EPM2A: variants seen among roughly 807,000 people sequenced by gnomAD.
EPM2A encodes the protein EPM2A glucan phosphatase, laforin.
A neutral mutation model predicts 26.5 loss-of-function variants in EPM2A; 21 were observed. That is an observed-to-expected ratio of 0.79 (90% CI 0.56 to 1.14). The LOEUF (loss-of-function observed/expected upper bound fraction) is 1.14, where lower values mean the gene tolerates loss of function less well. Among genes scored for constraint, EPM2A ranks in the 50% most tolerant of loss-of-function variants. The pLI is 0.00. For missense variants in EPM2A, 458 were observed against 440.8 expected, an observed-to-expected ratio of 1.04 and a Z score of -0.35; for synonymous variants, 217 against 177.6, an observed-to-expected ratio of 1.22 and a Z score of -1.76.
intron 4 of EPM2A, among the ~76,000 whole-genome samples, chr6:145,423,672 C>T (rs931493224): frequency 3.9e-5 from 6 of 152,170 alleles, no homozygotes; most frequent in Non-Finnish European, 5.9e-5. Context: ...TGCCCACTCC[C>T]GGTGACCTTG....
At chr6:145,539,924 C>T (rs373099823) in intron 2 of EPM2A, among the ~76,000 whole-genome samples, 81 of 152,306 alleles carry the variant, frequency 5.3e-4, no homozygotes, top group African/African-American at 1.9e-3. Context: ...TATCCACCCA[C>T]CTTAAACATC....
intron 2 of EPM2A, among the ~76,000 whole-genome samples, chr6:145,600,408 T>C (rs1781401785): frequency 6.6e-6 from 1 of 152,186 alleles, no homozygotes. Flanking sequence ...AGTCTGTCCT[T>C]CCACCCCCTC....
At chr6:145,673,419 C>T (rs1157885675) in intron 2 of EPM2A, among the ~76,000 whole-genome samples, 1 of 152,152 alleles carries the variant, frequency 6.6e-6, no homozygotes, top group Non-Finnish European at 1.5e-5. Context: ...CTCACTGGGA[C>T]TGGTTGGACA....
downstream of EPM2A, among the ~76,000 whole-genome samples, chr6:145,625,035 C>A (rs1020620751): frequency 2.0e-5 from 3 of 152,114 alleles, no homozygotes; most frequent in Admixed American, 2.0e-4. Context: ...TTGTTAAACA[C>A]CAGTGACAAG....
intron 4 of EPM2A, among the ~76,000 whole-genome samples, chr6:145,421,388 A>C (rs759823500): frequency 1.3e-5 from 2 of 152,094 alleles, no homozygotes; most frequent in Non-Finnish European, 2.9e-5. Context: ...TAATGAAGGG[A>C]GTTTCCTACC....
rs1393158755 is a variant in EPM2A, at chr6:145,650,109, G to C, written c.477-14623C>G. ...GAAAGGATAAAAGATGAGGATCACA[G>C]ATAGAAGAGCTGCTGATGGGAAGGA... On this transcript the variant is annotated intron_variant, in intron 2 of 3. Coordinates refer to ENST00000367519, the MANE Select transcript of EPM2A (RefSeq NM_005670.4). Among the ~76,000 whole-genome samples the C allele has an allele frequency of 1.8e-4, 28 of 151,864 alleles. No homozygotes were observed. In the Admixed American group the frequency reaches 1.9e-3, roughly 10 times the overall value.
At chr6:145,435,600 T>C (rs1223729079) in intron 4 of EPM2A, among the ~76,000 whole-genome samples, 1 of 151,950 alleles carries the variant, frequency 6.6e-6, no homozygotes, top group Admixed American at 6.6e-5. Context: ...TTTTTAATTA[T>C]ACTTTAAGTT....
chr6:145,674,202 G>A (rs532914814), intron 2 of EPM2A, among the ~76,000 whole-genome samples: 103 of 152,276 alleles, frequency 6.8e-4, no homozygotes, highest in South Asian at 1.5e-3. Context: ...GAAGCTGAGG[G>A]ACCTAACTGT....
intron 4 of EPM2A, among the ~76,000 whole-genome samples, chr6:145,405,103 G>T (rs558707557): frequency 1.1e-4 from 16 of 152,192 alleles, no homozygotes; most frequent in Admixed American, 2.0e-4. Context: ...TAATTGGATT[G>T]CTGCTGTTGT....
intron 4 of EPM2A, among the ~76,000 whole-genome samples, chr6:145,416,215 C>A (rs1304435629): frequency 1.3e-5 from 2 of 150,780 alleles, no homozygotes; most frequent in Non-Finnish European, 2.9e-5. Context: ...TACAATATTC[C>A]CAGTGAAGGC....
intron 2 of EPM2A, among the ~76,000 whole-genome samples, chr6:145,585,870 C>T (rs1781189554): frequency 6.6e-6 from 1 of 152,134 alleles, no homozygotes; most frequent in Non-Finnish European, 1.5e-5. Flanking sequence ...TGCCTTGTTC[C>T]CGACGCAAAA....
intron 1 of EPM2A, among the ~76,000 whole-genome samples, chr6:145,710,837 T>C (rs918500705): frequency 1.3e-5 from 2 of 151,872 alleles, no homozygotes; most frequent in African/African-American, 4.8e-5. Context: ...TAGATGAAGC[T>C]GGAAATCATC....
downstream of EPM2A, among the ~76,000 whole-genome samples, chr6:145,620,928 T>C (rs1418219424): frequency 6.6e-6 from 1 of 152,230 alleles, no homozygotes; most frequent in East Asian, 1.9e-4. Flanking sequence ...CATTATCTCA[T>C]ATACCTCCCT....
At chr6:145,734,682 GTTT>G (rs534023852) in intron 1 of EPM2A, 1 of 152,108 alleles carries the variant, frequency 6.6e-6, no homozygotes, top group African/African-American at 2.4e-5. Flanking sequence ...ATCGTTTTGG[GTTT>G]TTTTTAGTGA....
intron 4 of EPM2A, among the ~76,000 whole-genome samples, chr6:145,449,148 C>T (rs938757014): frequency 2.0e-5 from 3 of 152,156 alleles, no homozygotes; most frequent in Admixed American, 1.3e-4. Flanking sequence ...AGACTATTTA[C>T]GTTAACTGGT....
At chr6:145,682,999 A>G (rs1780651322) in intron 2 of EPM2A, among the ~76,000 whole-genome samples, 1 of 152,196 alleles carries the variant, frequency 6.6e-6, no homozygotes, top group Non-Finnish European at 1.5e-5. Context: ...ATACATTGTC[A>G]GATGAACATA....
In EPM2A at chr6:145,735,214, T is replaced by C. The variant is rs1383390705; in HGVS notation, c.285A>G (p.Gly95=). The C allele has an allele frequency of 6.5e-7, 1 of 1,528,386 alleles. No homozygotes were observed. Among genetic ancestry groups the C allele is most frequent in the Non-Finnish European group, 8.8e-7 (1 of 1,135,826 alleles). 94.7% of individuals were successfully genotyped at this position (1,528,386 alleles called of 1,614,324 possible). The change falls in exon 1 of 4, where the codon GGA becomes GGG. Residue 95 remains glycine, a synonymous_variant. Transcript: ENST00000367519. ...WYKFLKREPG[G]ELSWEGNGPH... ...TGGCAATACCTTCCCAGGAGAGCTCTCCTCCCGGCTCCCGCTTCAGGAACT... is the reference window on the plus strand; with the variant it reads ...TGGCAATACCTTCCCAGGAGAGCTCCCCTCCCGGCTCCCGCTTCAGGAACT...
chr6:145,709,924 C>T (rs999588789), intron 1 of EPM2A, among the ~76,000 whole-genome samples: 19 of 152,128 alleles, frequency 1.2e-4, no homozygotes, highest in African/African-American at 4.3e-4. Flanking sequence ...TTGCAGAAAG[C>T]TGAAACTGGA....
intron 4 of EPM2A, among the ~76,000 whole-genome samples, chr6:145,483,715 T>A (rs1317604093): frequency 6.6e-6 from 1 of 152,142 alleles, no homozygotes; most frequent in Non-Finnish European, 1.5e-5. Flanking sequence ...AAGCACATAA[T>A]TCCACACAAC....
Sources: allele counts gnomAD v4.1 joint callset (sites outside exome capture counted in the v4.1 genomes callset), GRCh38; gene constraint gnomAD v4.1.1; transcripts MANE v1.5; gene names NCBI Gene and HGNC (gene_info 2026-07-23, HGNC 2026-07-21).